Variants in PNKD observed in about 807,000 individuals in gnomAD.
PNKD encodes PNKD metallo-beta-lactamase domain containing, also known as probable thioesterase PNKD.
A neutral mutation model predicts 45.3 loss-of-function variants in PNKD; 36 were observed. The ratio of observed to expected loss-of-function variants is 0.80; its 90% confidence interval spans 0.61 to 1.05. The LOEUF (loss-of-function observed/expected upper bound fraction) is 1.05, where lower values mean the gene tolerates loss of function less well. PNKD is among the 50% of genes least tolerant of loss of function. PNKD has a pLI of 0.00. For synonymous variants in PNKD, 197 were observed against 210.1 expected (o/e 0.94, Z 0.54); for missense variants, 511 against 506.6 (o/e 1.01, Z -0.08).
At chr2:218,278,926 TGGG>T in intron 2 of PNKD, 1 of 1,269,964 alleles carries the variant, frequency 7.9e-7, no homozygotes, top group Non-Finnish European at 1.1e-6. Flanking sequence ...GGCACCAACT[TGGG>T]GGCCCTCTCA....
intron 2 of PNKD, among the ~76,000 whole-genome samples, chr2:218,314,714 G>A (rs1015617786): frequency 2.0e-5 from 3 of 150,654 alleles, no homozygotes; most frequent in Admixed American, 1.3e-4. Flanking sequence ...CTTTTTGAGA[G>A]AGTCTCACTC....
At chr2:218,323,420 C>G in intron 2 of PNKD, 2 of 1,567,570 alleles carry the variant, frequency 1.3e-6, no homozygotes, top group Non-Finnish European at 1.7e-6. Context: ...AGCGGCTGCT[C>G]TTCCGAATCG....
intron 2 of PNKD, among the ~76,000 whole-genome samples, chr2:218,338,276 C>T (rs542378976): frequency 1.3e-5 from 2 of 151,838 alleles, no homozygotes; most frequent in East Asian, 2.0e-4. Flanking sequence ...GCCTGGCCAA[C>T]GTGGCAAAAC....
intron 2 of PNKD, among the ~76,000 whole-genome samples, chr2:218,309,021 G>A (rs1693512490): frequency 6.6e-6 from 1 of 151,864 alleles, no homozygotes. Flanking sequence ...TTGACCTCCA[G>A]GATCAAGAGA....
rs749969704 is a variant in PNKD, at chr2:218,344,785, A to C, written c.985-23A>C. 8 of 1,612,616 alleles carry C rather than the reference A, an allele frequency of 5.0e-6. 1 individual carries two copies. The South Asian group carries it at 8.8e-5, about 18-fold the overall frequency. ...TCCATTTCCCAGCTTCTCTCCACCA[A>C]ACCTGGTTCCTCTCACCCACAGTGC... On this transcript the variant is annotated intron_variant, in intron 9 of 9. Coordinates refer to ENST00000273077, the MANE Select transcript of PNKD (RefSeq NM_015488.5).
chr2:218,344,641 G>A, intron 9 of PNKD, 71 bp downstream of exon 9: 4 of 1,450,182 alleles, frequency 2.8e-6, no homozygotes, highest in Non-Finnish European at 3.9e-6. Context: ...CATCCATGCT[G>A]ACCCCAGGCC....
chr2:218,275,676 A>G, intron 2 of PNKD: 1 of 1,553,092 alleles, frequency 6.4e-7, no homozygotes, highest in East Asian at 2.2e-5. Flanking sequence ...TCCAGAGCTC[A>G]TTTTTGGTCA....
chr2:218,314,198 C>T (rs1244417723), intron 2 of PNKD, among the ~76,000 whole-genome samples: 4 of 144,656 alleles, frequency 2.8e-5, no homozygotes, highest in Admixed American at 2.1e-4. Flanking sequence ...GCTGGGATTA[C>T]AGGCGTGAGC....
chr2:218,311,441 C>T (rs148260430), intron 2 of PNKD, among the ~76,000 whole-genome samples: 23 of 152,152 alleles, frequency 1.5e-4, no homozygotes, highest in Non-Finnish European at 2.2e-4. Context: ...ACTATCTTAG[C>T]GAGGGGAGTG....
In PNKD at chr2:218,340,747, G is replaced by A; in HGVS notation, c.485G>A (p.Gly162Glu). The A allele has an allele frequency of 1.2e-6, 2 of 1,613,960 alleles. No individual in the cohort carries two copies. The highest frequency in any genetic ancestry group is 1.7e-6 in the Non-Finnish European group (2 of 1,179,904). ...TCGCAGGCTTCCATTGAAAAGGAAGGGGTCACCTTGGTCGCCATTCTGTGT... is the reference window on the plus strand; with the variant it reads ...TCGCAGGCTTCCATTGAAAAGGAAGAGGTCACCTTGGTCGCCATTCTGTGT... ...RAVQASIEKE[G>E]VTLVAILCTH... Residue 162 changes from glycine (G) to glutamate (E), a missense_variant, in exon 5 of 10, where the codon GGG (glycine) becomes GAG (glutamate). Physicochemically the swap from Gly to Glu is moderately conservative, Grantham distance 98. Coordinates refer to ENST00000273077, the MANE Select transcript of PNKD (RefSeq NM_015488.5). This position sits in a 1 kb window ranked among gnomAD's most constrained non-coding sequence, Gnocchi z 4.2.
At chr2:218,325,194 C>T (rs1336014917) in intron 2 of PNKD, among the ~76,000 whole-genome samples, 6 of 95,028 alleles carry the variant, frequency 6.3e-5, no homozygotes, top group East Asian at 3.4e-4. Context: ...CCACCGCACC[C>T]GGCCTTTTTT....
chr2:218,272,673 T>C (rs537526227), intron 2 of PNKD: 1 of 1,614,168 alleles, frequency 6.2e-7, no homozygotes, highest in Non-Finnish European at 8.5e-7. Flanking sequence ...CATGCGGTTG[T>C]CCAACACGGG....
intron 2 of PNKD, among the ~76,000 whole-genome samples, chr2:218,295,224 T>C (rs1693113868): frequency 6.6e-6 from 1 of 152,236 alleles, no homozygotes; most frequent in Non-Finnish European, 1.5e-5. Context: ...TCTTGGGCCT[T>C]ATCTGCAAAA....
chr2:218,281,327 G>C (rs566032464), intron 2 of PNKD, among the ~76,000 whole-genome samples: 3 of 152,000 alleles, frequency 2.0e-5, no homozygotes, highest in African/African-American at 7.2e-5. Context: ...AGTGGAGATG[G>C]GGTTTTGCCA....
chr2:218,340,647 G>A lies in PNKD; in HGVS notation c.466-81G>A. Reference sequence around the variant, plus strand: ...CCATGCTCTCCTCTCCTCTCCACCAGCGCCCACACTCCTGGCTCTTGCTGC... The same window carrying A: ...CCATGCTCTCCTCTCCTCTCCACCAACGCCCACACTCCTGGCTCTTGCTGC... On this transcript the variant is annotated intron_variant, in intron 4 of 9. Transcript: ENST00000273077. The surrounding 1 kb of genome is among the most constrained non-coding windows in gnomAD (Gnocchi z 4.2). The A allele has an allele frequency of 1.0e-6, 1 of 974,792 alleles. No homozygotes were observed. The highest frequency in any genetic ancestry group is 1.3e-5 in the South Asian group (1 of 78,214). 60.4% of individuals were successfully genotyped at this position (974,792 alleles called of 1,614,324 possible). A position where few individuals can be genotyped will look rare whatever the true frequency, so the allele number is the denominator to read the frequency against.
intron 2 of PNKD, among the ~76,000 whole-genome samples, chr2:218,333,850 C>T (rs747980022): frequency 1.3e-5 from 2 of 151,484 alleles, no homozygotes; most frequent in Non-Finnish European, 1.5e-5. Flanking sequence ...CGCCGTGGCT[C>T]ACACCTATAA....
At chr2:218,285,290 G>A (rs1172586826) in intron 2 of PNKD, among the ~76,000 whole-genome samples, 2 of 152,220 alleles carry the variant, frequency 1.3e-5, no homozygotes, top group Non-Finnish European at 2.9e-5. Context: ...CCTAGCTAGA[G>A]TGTGATGAAG....
chr2:218,270,735 G>T (rs1044576131), intron 1 of PNKD, 133 bp downstream of exon 1: 9 of 422,506 alleles, frequency 2.1e-5, no homozygotes, highest in Middle Eastern at 3.1e-4. Flanking sequence ...GAGTCTGGGG[G>T]TGCAGAGATG....
rs111556940 is a variant in PNKD, at chr2:218,340,889, G to A, written c.524+103G>A. On this transcript the variant is annotated intron_variant, in intron 5 of 9. Coordinates refer to ENST00000273077, the MANE Select transcript of PNKD (RefSeq NM_015488.5). The surrounding 1 kb of genome is among the most constrained non-coding windows in gnomAD (Gnocchi z 4.2). ...GGGCCAGAGATCAAGAAGTCAGTAC[G>A]GGCCGGCACCCGCCTTCCTCGTGAA... The A allele has an allele frequency of 1.9e-4, 179 of 954,892 alleles. No individual in the cohort carries two copies. The African/African-American group carries it at 2.3e-3, about 12-fold the overall frequency. 59.2% of individuals were successfully genotyped at this position (954,892 alleles called of 1,614,324 possible).
Sources: gnomAD v4.1 joint callset for allele counts (sites outside exome capture counted in the v4.1 genomes callset) on GRCh38, gnomAD v4.1.1 for gene constraint, Gnocchi (gnomAD v3.1) non-coding constraint, MANE v1.5 for transcripts, NCBI Gene and HGNC (gene_info 2026-07-23, HGNC 2026-07-21) for gene names.